TNRC6A: variants seen among roughly 807,000 people sequenced by gnomAD.
The protein encoded by TNRC6A is trinucleotide repeat containing adaptor 6A.
Under a neutral mutation model 221.2 loss-of-function variants are expected in TNRC6A, and 44 were observed. The observed-to-expected ratio is 0.20, with a 90% confidence interval of 0.16 to 0.26. The LOEUF (loss-of-function observed/expected upper bound fraction) is 0.26. Ranked by LOEUF, TNRC6A falls within the 10% of genes least tolerant of loss-of-function variation. The pLI, the probability that TNRC6A is intolerant of heterozygous loss-of-function variation, is 1.00. For missense variants in TNRC6A, 2,199 were observed against 2,404.4 expected, an observed-to-expected ratio of 0.91 and a Z score of 1.79; for synonymous variants, 847 against 838.5, an observed-to-expected ratio of 1.01 and a Z score of -0.18.
intron 15 of TNRC6A, 47 bp downstream of exon 15, chr16:24,805,780 A>T (rs776351960): frequency 5.0e-6 from 8 of 1,612,322 alleles, no homozygotes; most frequent in Non-Finnish European, 6.8e-6. Flanking sequence ...TGGAGCATCT[A>T]CTGTATGCCA....
chr16:24,786,839 G>A (rs769883736), intron 5 of TNRC6A, among the ~76,000 whole-genome samples: 1 of 152,132 alleles, frequency 6.6e-6, no homozygotes. Flanking sequence ...CTGCCACCAC[G>A]TCCGGCTCAT....
intron 4 of TNRC6A, chr16:24,776,667 T>G: frequency 1.0e-6 from 1 of 985,360 alleles, no homozygotes; most frequent in Non-Finnish European, 1.2e-6. Context: ...AGTAATGTGG[T>G]AAAAGAGATA....
chr16:24,712,907 C>CTGTGTGTGTGTGTGTG (rs61198955), intron 2 of TNRC6A, among the ~76,000 whole-genome samples: 21 of 126,768 alleles, frequency 1.7e-4, no homozygotes, highest in South Asian at 5.7e-4. Context: ...TTATGTGCCA[C>CTGTGTGTGTGTGTGTG]TGTGTGTGTG....
rs1900381214 is a variant in TNRC6A, at chr16:24,616,856, G to A, written n.276+6372G>A. Among the ~76,000 whole-genome samples the A allele has an allele frequency of 3.3e-5, 5 of 152,144 alleles. No homozygotes were observed. In the South Asian group the frequency reaches 1.0e-3, roughly 32 times the overall value. On this transcript the variant is annotated intron_variant and non_coding_transcript_variant, in intron 1 of 2. Transcript: ENST00000566108. Reference sequence around the variant, plus strand: ...GAACCGCTTGAACCCTGATGGCAGAGGTTGCAGTGAGCCGAGATCATGCCA... The same window carrying A: ...GAACCGCTTGAACCCTGATGGCAGAAGTTGCAGTGAGCCGAGATCATGCCA...
intron 2 of TNRC6A, among the ~76,000 whole-genome samples, chr16:24,705,820 G>T (rs895722029): frequency 1.3e-5 from 2 of 152,168 alleles, no homozygotes; most frequent in African/African-American, 4.8e-5. Flanking sequence ...CAGGGTAAGA[G>T]AAATAATATT....
chr16:24,811,809 G>T (rs557476462), intron 18 of TNRC6A, among the ~76,000 whole-genome samples: 11 of 151,918 alleles, frequency 7.2e-5, no homozygotes, highest in African/African-American at 1.4e-4. Context: ...CTAGTAAAAT[G>T]ATATTTTTGT....
At chr16:24,650,654 G>C (rs1262304594) in intron 2 of TNRC6A, among the ~76,000 whole-genome samples, 2 of 150,100 alleles carry the variant, frequency 1.3e-5, no homozygotes, top group African/African-American at 4.9e-5. Context: ...GATAGAGTGA[G>C]ACTCTGACTC....
chr16:24,802,471 C>T (rs1322293350), intron 11 of TNRC6A, among the ~76,000 whole-genome samples: 1 of 152,140 alleles, frequency 6.6e-6, no homozygotes, highest in African/African-American at 2.4e-5. Flanking sequence ...ATTGCTTGGG[C>T]CGGGGAGGCA....
chr16:24,741,064 C>T (rs937894597), intron 2 of TNRC6A, among the ~76,000 whole-genome samples: 3 of 152,154 alleles, frequency 2.0e-5, no homozygotes, highest in Non-Finnish European at 4.4e-5. Flanking sequence ...TTCATTAGGA[C>T]TTTCTGTGTA....
At chr16:24,806,836 G>A (rs755676934) in intron 17 of TNRC6A, 52 bp downstream of exon 17, 60 of 1,553,504 alleles carry the variant, frequency 3.9e-5, no homozygotes, top group African/African-American at 8.2e-5. Context: ...TATCACAGGC[G>A]TGCCTCCTTC....
chr16:24,752,422 G>C (rs1352860766), intron 3 of TNRC6A, among the ~76,000 whole-genome samples: 1 of 152,170 alleles, frequency 6.6e-6, no homozygotes. Context: ...GATGAGAGGA[G>C]ATGATGTGGC....
chr16:24,611,332 G>T (rs947297563), intron 1 of TNRC6A, among the ~76,000 whole-genome samples: 3 of 152,168 alleles, frequency 2.0e-5, no homozygotes, highest in African/African-American at 7.2e-5. Flanking sequence ...AGAATGCCCA[G>T]TTCCCGCTGT....
chr16:24,663,230 C>T (rs902282496), intron 2 of TNRC6A: 2 of 153,928 alleles, frequency 1.3e-5, no homozygotes, highest in African/African-American at 4.8e-5. Flanking sequence ...ACAGTTACAG[C>T]TTAACACAGT....
chr16:24,618,768 C>T (rs1230438382), intron 1 of TNRC6A, among the ~76,000 whole-genome samples: 1 of 149,676 alleles, frequency 6.7e-6, no homozygotes, highest in African/African-American at 2.5e-5. Context: ...GTAGCTGGAA[C>T]CACAGGCACA....
chr16:24,704,157 C>T (rs888036719), intron 2 of TNRC6A, among the ~76,000 whole-genome samples: 5 of 151,612 alleles, frequency 3.3e-5, no homozygotes, highest in South Asian at 2.1e-4. Flanking sequence ...TGCAGTGGCA[C>T]GATCTCAGCT....
intron 19 of TNRC6A, 51 bp from the exon 20 acceptor site, chr16:24,816,765 A>G (rs2058666958): frequency 2.5e-6 from 4 of 1,569,846 alleles, no homozygotes; most frequent in Non-Finnish European, 3.5e-6. Context: ...TTATTAATGG[A>G]TTTTAAAATG....
intron 20 of TNRC6A, among the ~76,000 whole-genome samples, chr16:24,817,190 C>CT (rs2058674711): frequency 6.6e-6 from 1 of 152,104 alleles, no homozygotes; most frequent in South Asian, 2.1e-4. Flanking sequence ...ATAGGTGGCT[C>CT]TTTAATTTGG....
intron 2 of TNRC6A, among the ~76,000 whole-genome samples, chr16:24,707,161 A>G (rs972836691): frequency 6.6e-6 from 1 of 151,878 alleles, no homozygotes; most frequent in African/African-American, 2.4e-5. Flanking sequence ...ACACTTGGCT[A>G]ATTTTTGTAT....
intron 2 of TNRC6A, among the ~76,000 whole-genome samples, chr16:24,665,291 T>A (rs774633231): frequency 6.6e-6 from 1 of 152,080 alleles, no homozygotes; most frequent in Non-Finnish European, 1.5e-5. Context: ...CCCAGGCTGG[T>A]CTTAAACTCC....
Sources: gnomAD v4.1 joint callset for allele counts (sites outside exome capture counted in the v4.1 genomes callset) on GRCh38, gnomAD v4.1.1 for gene constraint, MANE v1.5 for transcripts, NCBI Gene and HGNC (gene_info 2026-07-23, HGNC 2026-07-21) for gene names.